Variants in CHST3 observed in about 807,000 individuals in gnomAD.
CHST3 encodes the protein carbohydrate sulfotransferase 3, also known as C6ST-1.
In CHST3, 20 loss-of-function variants were observed where a neutral mutation model predicts 35.4. The ratio of observed to expected loss-of-function variants is 0.57; its 90% CI spans 0.40 to 0.82. CHST3 has a LOEUF of 0.82. Ranked by LOEUF, CHST3 falls within the 40% of genes least tolerant of loss-of-function variation. The pLI is 0.00. For missense variants in CHST3, 693 were observed against 670.1 expected, an observed-to-expected ratio of 1.03 and a Z score of -0.38; for synonymous variants, 334 against 295.9, an observed-to-expected ratio of 1.13 and a Z score of -1.32.
chr10:71,998,022 C>G (rs774013435), intron 1 of CHST3, among the ~76,000 whole-genome samples: 4 of 152,066 alleles, frequency 2.6e-5, no homozygotes, highest in Non-Finnish European at 4.4e-5. Flanking sequence ...GCCTGTGCTC[C>G]CAGCTCCTTG....
chr10:72,008,610 G>A lies in CHST3; in HGVS notation c.*139G>A. ...AGTAGGGCCCCCAGCCAGCGCTCCA[G>A]CCAAAGCGGCGGCCCCAGGGTTAAT... On this transcript the variant is annotated 3_prime_UTR_variant, in exon 3 of 3. Coordinates refer to ENST00000373115, the MANE Select transcript of CHST3 (RefSeq NM_004273.5). 1 of 1,423,948 alleles carries A rather than the reference G, an allele frequency of 7.0e-7. No individual in the cohort carries two copies. The highest frequency in any genetic ancestry group is 1.5e-5 in the South Asian group (1 of 66,096). The allele number at this position is 1,423,948 out of a possible 1,614,324, so 88.2% of individuals were successfully genotyped here. A position where few individuals can be genotyped will look rare whatever the true frequency, so the allele number is the denominator to read the frequency against.
In CHST3 at chr10:71,997,730, C is replaced by T. The variant is rs983828864; in HGVS notation, c.-107-8006C>T. Among the ~76,000 whole-genome samples the T allele has an allele frequency of 1.3e-4, 18 of 135,274 alleles. No individual in the cohort carries two copies. In the East Asian group the frequency reaches 3.2e-3, roughly 24 times the overall value. The allele number at this position is 135,274 out of a possible 152,430, so 88.7% of individuals were successfully genotyped here. ...ACGGAGTCTTGCAGTGGTGGGATCT[C>T]GGCGCACTGCAACCTCCACCTCCCG... On this transcript the variant is annotated intron_variant, in intron 1 of 2. Coordinates refer to ENST00000373115, the MANE Select transcript of CHST3 (RefSeq NM_004273.5).
chr10:71,983,899 C>T (rs947105425), intron 1 of CHST3, among the ~76,000 whole-genome samples: 2 of 152,234 alleles, frequency 1.3e-5, no homozygotes, highest in Non-Finnish European at 2.9e-5. Flanking sequence ...CTCCATAGCT[C>T]GTGCTCTGTA....
intron 1 of CHST3, among the ~76,000 whole-genome samples, chr10:71,986,032 C>G (rs976628476): frequency 6.6e-6 from 1 of 152,186 alleles, no homozygotes; most frequent in African/African-American, 2.4e-5. Context: ...GAAATTCATC[C>G]AAGTTATTGT....
intron 1 of CHST3, among the ~76,000 whole-genome samples, chr10:71,991,059 A>C (rs951996387): frequency 1.3e-5 from 2 of 152,212 alleles, no homozygotes; most frequent in African/African-American, 4.8e-5. Flanking sequence ...CAGTTGGAAC[A>C]TGTGGCCTCC....
intron 1 of CHST3, among the ~76,000 whole-genome samples, chr10:72,003,133 T>C (rs544406069): frequency 6.6e-6 from 1 of 152,300 alleles, no homozygotes; most frequent in South Asian, 2.1e-4. Context: ...AGGGCTTTGC[T>C]GAGGATTTGA....
At chr10:71,975,309 A>G (rs1839734586) in intron 1 of CHST3, among the ~76,000 whole-genome samples, 1 of 152,220 alleles carries the variant, frequency 6.6e-6, no homozygotes, top group Non-Finnish European at 1.5e-5. Flanking sequence ...CAACTTGTCC[A>G]AGGCCACACA....
At chr10:71,992,730 G>A (rs960351734) in intron 1 of CHST3, among the ~76,000 whole-genome samples, 3 of 148,066 alleles carry the variant, frequency 2.0e-5, no homozygotes, top group Non-Finnish European at 4.4e-5. Context: ...GCACGATCTC[G>A]GCTCACTGCA....
At chr10:71,980,464 A>G (rs1839789490) in intron 1 of CHST3, among the ~76,000 whole-genome samples, 2 of 152,238 alleles carry the variant, frequency 1.3e-5, no homozygotes, top group Non-Finnish European at 2.9e-5. Flanking sequence ...AAAAAGAAAA[A>G]AAAAGCTTAT....
chr10:71,969,662 A>G (rs934947543), intron 1 of CHST3, among the ~76,000 whole-genome samples: 7 of 152,166 alleles, frequency 4.6e-5, no homozygotes, highest in Non-Finnish European at 1.0e-4. Flanking sequence ...GGACACAGTG[A>G]CCAGGACGGA....
At chr10:71,981,079 A>C (rs4148929) in intron 1 of CHST3, among the ~76,000 whole-genome samples, 78,346 of 152,042 alleles carry the variant, frequency 0.52, 20,797 homozygotes, top group Non-Finnish European at 0.58. Flanking sequence ...GTGGGTTTCA[A>C]CTTTCTGTTT....
chr10:72,007,820 CTGCCGCCGCAAGG>C lies in CHST3; in HGVS notation c.790_802del (p.Cys264SerfsTer66). 2 of 1,601,908 alleles carry C rather than the reference CTGCCGCCGCAAGG, an allele frequency of 1.2e-6. No homozygotes were observed. The highest frequency in any genetic ancestry group is 1.7e-6 in the Non-Finnish European group (2 of 1,179,086). On this transcript the variant is annotated frameshift_variant, in exon 3 of 3. Transcript: ENST00000373115. LOFTEE classifies it high-confidence loss of function. ...TCAACGTGACGCTGGCCGCAGAGGC[CTGCCGCCGCAAGG>C]AGCACATGGCCCTCAAGGCGGTGCG...
intron 1 of CHST3, among the ~76,000 whole-genome samples, chr10:71,994,780 T>C (rs1839924956): frequency 1.3e-5 from 2 of 152,238 alleles, no homozygotes; most frequent in Non-Finnish European, 2.9e-5. Flanking sequence ...GTAGCCACCT[T>C]CGTCAGTGAT....
At chr10:71,969,910 G>A (rs917561689) in intron 1 of CHST3, among the ~76,000 whole-genome samples, 1 of 152,214 alleles carries the variant, frequency 6.6e-6, no homozygotes, top group African/African-American at 2.4e-5. Flanking sequence ...GCTTTCGTGA[G>A]GTTATGCCTC....
chr10:72,009,076 C>G lies in CHST3; in HGVS notation c.*605C>G, dbSNP rs1807521881. 6.5e-6 allele frequency: 1 copy of G among 152,708 alleles called. No individual in the cohort carries two copies. The highest frequency in any genetic ancestry group is 1.5e-5 in the Non-Finnish European group (1 of 68,482). 9.5% of individuals were successfully genotyped at this position (152,708 alleles called of 1,614,324 possible). On this transcript the variant is annotated 3_prime_UTR_variant, in exon 3 of 3. Coordinates refer to ENST00000373115, the MANE Select transcript of CHST3 (RefSeq NM_004273.5). ...TGATGAATATGGGCCCCTTATAGAG[C>G]TGCAAAACACACACATGCGTATAGA...
At chr10:71,987,440 G>A (rs139431066) in intron 1 of CHST3, among the ~76,000 whole-genome samples, 18 of 152,144 alleles carry the variant, frequency 1.2e-4, no homozygotes, top group East Asian at 3.9e-4. Context: ...GGAGACCGAC[G>A]CAGTGACTCA....
chr10:71,986,462 A>G (rs1230654471), intron 1 of CHST3, among the ~76,000 whole-genome samples: 6 of 152,322 alleles, frequency 3.9e-5, no homozygotes, highest in African/African-American at 1.4e-4. Flanking sequence ...TCCTCCACCC[A>G]TGATAGATGT....
intron 1 of CHST3, among the ~76,000 whole-genome samples, chr10:72,003,903 T>C (rs1362603562): frequency 6.6e-6 from 1 of 151,664 alleles, no homozygotes; most frequent in Non-Finnish European, 1.5e-5. Flanking sequence ...TCTATTTAGA[T>C]AATAATAATG....
rs926026271 is a variant in CHST3, at chr10:71,971,059, A to G, written c.-108+6365A>G. Among the ~76,000 whole-genome samples the G allele has an allele frequency of 7.2e-5, 11 of 152,234 alleles. No homozygotes were observed. The East Asian group carries it at 7.7e-4, about 11-fold the overall frequency. On this transcript the variant is annotated intron_variant, in intron 1 of 2. Transcript: ENST00000373115. ...CATTTTCCATCTCTTAATAACTTCA[A>G]TTTACTTAGTGACCAACTTTAAAAC...
Sources: allele counts gnomAD v4.1 joint callset (sites outside exome capture counted in the v4.1 genomes callset), GRCh38; gene constraint gnomAD v4.1.1; transcripts MANE v1.5; gene names NCBI Gene and HGNC (gene_info 2026-07-23, HGNC 2026-07-21).